The following DNAJC10 variants were observed in gnomAD, a reference collection of about 807,000 sequenced individuals.
DNAJC10 encodes DnaJ heat shock protein family (Hsp40) member C10.
Under a neutral mutation model 115.0 loss-of-function variants are expected in DNAJC10, and 101 were observed. The ratio of observed to expected loss-of-function variants is 0.88; its 90% confidence interval spans 0.75 to 1.04. The LOEUF is 1.04. Among genes scored for constraint, DNAJC10 ranks in the 50% least tolerant of loss-of-function variants. DNAJC10 has a pLI of 0.00. For synonymous variants in DNAJC10, 307 were observed against 301.5 expected (o/e 1.02, Z -0.19); for missense variants, 981 against 928.8 (o/e 1.06, Z -0.73).
Position 182,740,094 on chromosome 2 carries a change from T to C in DNAJC10, c.988-205T>C, listed in dbSNP as rs527421591. 6.5e-6 allele frequency: 7 copies of C among 1,072,410 alleles called. No homozygotes were observed. In the South Asian group the frequency reaches 1.2e-4, roughly 18 times the overall value. The allele number at this position is 1,072,410 out of a possible 1,614,324, so 66.4% of individuals were successfully genotyped here. On this transcript the variant is annotated intron_variant, in intron 11 of 23. Coordinates refer to ENST00000264065, the MANE Select transcript of DNAJC10 (RefSeq NM_018981.4). ...ATGGAATTTATTGTATATCACTATT[T>C]AAGAAACAGCTTAGTTATATAATAT...
chr2:182,722,154 G>A (rs1693166971), intron 5 of DNAJC10, 79 bp downstream of exon 5: 4 of 1,002,538 alleles, frequency 4.0e-6, no homozygotes, highest in Non-Finnish European at 6.0e-6. Context: ...ATATATGTTT[G>A]AAATTTAGAA....
At chr2:182,764,255 T>C (rs1184069713) in intron 22 of DNAJC10, among the ~76,000 whole-genome samples, 1 of 152,176 alleles carries the variant, frequency 6.6e-6, no homozygotes, top group East Asian at 1.9e-4. Flanking sequence ...AAAATAGTTT[T>C]ATCAATATTT....
chr2:182,742,251 C>CT (rs1296472681), intron 13 of DNAJC10, among the ~76,000 whole-genome samples: 1 of 152,266 alleles, frequency 6.6e-6, no homozygotes, highest in Non-Finnish European at 1.5e-5. Context: ...GTGGCGTGCT[C>CT]TTGACTCACT....
chr2:182,770,361 G>T (rs1360235959), intron 22 of DNAJC10, among the ~76,000 whole-genome samples: 1 of 152,112 alleles, frequency 6.6e-6, no homozygotes, highest in Non-Finnish European at 1.5e-5. Context: ...GAAAGTCATT[G>T]GTAGCTTGAT....
At chr2:182,740,253 A>T (rs777146822) in intron 11 of DNAJC10, 46 bp from the exon 12 acceptor site, 2 of 1,263,600 alleles carry the variant, frequency 1.6e-6, no homozygotes, top group Admixed American at 5.8e-5. Flanking sequence ...ATCAAATATA[A>T]TGAATATTTA....
chr2:182,728,819 A>G, intron 6 of DNAJC10, 44 bp from the exon 7 acceptor site: 1 of 1,610,102 alleles, frequency 6.2e-7, no homozygotes, highest in Non-Finnish European at 8.5e-7. Flanking sequence ...CAAGGGAAGA[A>G]AAGTGGTCTT....
At chr2:182,743,922 A>G (rs1693800136) in intron 14 of DNAJC10, among the ~76,000 whole-genome samples, 1 of 152,140 alleles carries the variant, frequency 6.6e-6, no homozygotes, top group African/African-American at 2.4e-5. Context: ...TCTATTCAGT[A>G]TTTTGATCAG....
chr2:182,772,771 G>A (rs919012356), intron 22 of DNAJC10, among the ~76,000 whole-genome samples: 4 of 152,170 alleles, frequency 2.6e-5, no homozygotes, highest in African/African-American at 7.2e-5. Flanking sequence ...ACAGCACACT[G>A]ATGGGTCTTG....
intron 4 of DNAJC10, among the ~76,000 whole-genome samples, chr2:182,720,925 G>A (rs1380869406): frequency 2.6e-5 from 4 of 151,984 alleles, no homozygotes; most frequent in Admixed American, 1.3e-4. Flanking sequence ...TTGGCCTTCG[G>A]TTGACATTAA....
Position 182,783,879 on chromosome 2 carries a change from CA to C in DNAJC10, c.*6751del, listed in dbSNP as rs1449149870. The C allele has an allele frequency of 6.6e-6, 1 of 152,060 alleles. No homozygotes were observed. The highest frequency in any genetic ancestry group is 1.5e-5 in the Non-Finnish European group (1 of 68,018). The allele number at this position is 152,060 out of a possible 1,614,324, so 9.4% of individuals were successfully genotyped here. On this transcript the variant is annotated 3_prime_UTR_variant, in exon 24 of 24. Transcript: ENST00000264065. ...CTCAAGAATGAATAACATGATCTAT[CA>C]AAAGGCCTATAATCTCAATCTTCAT...
At chr2:182,732,212 T>G (rs1309787564) in intron 9 of DNAJC10, among the ~76,000 whole-genome samples, 1 of 152,024 alleles carries the variant, frequency 6.6e-6, no homozygotes, top group Non-Finnish European at 1.5e-5. Context: ...GGAGGAGAGA[T>G]TGAGAGTATT....
chr2:182,773,692 G>T (rs1694628886), intron 22 of DNAJC10, among the ~76,000 whole-genome samples: 1 of 152,088 alleles, frequency 6.6e-6, no homozygotes, highest in Non-Finnish European at 1.5e-5. Flanking sequence ...GTCCTTTAAG[G>T]TCTTCTCTAC....
intron 14 of DNAJC10, among the ~76,000 whole-genome samples, chr2:182,751,164 GTCTCAC>G (rs1442900434): frequency 8.2e-6 from 1 of 121,990 alleles, no homozygotes; most frequent in Non-Finnish European, 1.6e-5. Flanking sequence ...TTGAAATGGA[GTCTCAC>G]TCTCACCAGG....
intron 5 of DNAJC10, 47 bp downstream of exon 5, chr2:182,722,122 C>A: frequency 1.5e-6 from 2 of 1,343,806 alleles, no homozygotes; most frequent in African/African-American, 1.5e-5. Flanking sequence ...CAAGTTCGAT[C>A]TCATCTAAAA....
At chr2:182,775,681 A>G (rs1694687566) in intron 23 of DNAJC10, among the ~76,000 whole-genome samples, 1 of 152,206 alleles carries the variant, frequency 6.6e-6, no homozygotes, top group South Asian at 2.1e-4. Context: ...ACAAATATTT[A>G]TAGCTGTATC....
chr2:182,774,536 C>T (rs1574961267), intron 22 of DNAJC10, among the ~76,000 whole-genome samples: 1 of 152,184 alleles, frequency 6.6e-6, no homozygotes, highest in Non-Finnish European at 1.5e-5. Context: ...CTTTGTTTAC[C>T]TTCTCAAGCC....
chr2:182,729,888 T>C lies in DNAJC10; in HGVS notation c.674T>C (p.Leu225Ser). Residue 225 changes from leucine to serine, a missense_variant, in exon 8 of 24, where the codon TTA becomes TCA. By Grantham distance (145) the Leu-to-Ser change is moderately radical. Transcript: ENST00000264065. Reference protein sequence around the residue: ...KYHGDRSKESLVSFAMQHVRS... With the variant: ...KYHGDRSKESSVSFAMQHVRS... ...CATGGAGACAGATCAAAGGAGAGTT[T>C]AGTGAGTTTTGCAATGCAGCATGTT... 6.2e-7 allele frequency: 1 copy of C among 1,611,190 alleles called. No homozygotes were observed. The highest frequency in any genetic ancestry group is 8.5e-7 in the Non-Finnish European group (1 of 1,178,716).
At position 182,785,224 on chromosome 2, in the gene DNAJC10, A is replaced by G. The variant is rs185022037; in HGVS notation, c.*8092A>G. The G allele has an allele frequency of 6.6e-6, 1 of 152,286 alleles. No individual in the cohort carries two copies. Among genetic ancestry groups the G allele is most frequent in the East Asian group, 1.9e-4 (1 of 5,180 alleles). The allele number at this position is 152,286 out of a possible 1,614,324, so 9.4% of individuals were successfully genotyped here. On this transcript the variant is annotated 3_prime_UTR_variant, in exon 24 of 24. Coordinates refer to ENST00000264065, the MANE Select transcript of DNAJC10 (RefSeq NM_018981.4). Reference sequence around the variant, plus strand: ...CTCAGCAGATTCCCATTCATGAAGAATGGTGCCTGTGTAACAGTATAAATG... The same window carrying G: ...CTCAGCAGATTCCCATTCATGAAGAGTGGTGCCTGTGTAACAGTATAAATG...
chr2:182,728,435 AC>A (rs1437992592), intron 5 of DNAJC10, 140 bp from the exon 6 acceptor site: 1 of 555,518 alleles, frequency 1.8e-6, no homozygotes, highest in Non-Finnish European at 3.1e-6. Flanking sequence ...ATATAGAAAA[AC>A]ATCACACAGA....
Sources: allele counts gnomAD v4.1 joint callset (sites outside exome capture counted in the v4.1 genomes callset), GRCh38; gene constraint gnomAD v4.1.1; transcripts MANE v1.5; gene names NCBI Gene and HGNC (gene_info 2026-07-23, HGNC 2026-07-21).